THEMIS: variants seen among roughly 807,000 people sequenced by gnomAD.
THEMIS encodes the protein thymocyte selection associated, also known as protein THEMIS.
A neutral mutation model predicts 52.6 loss-of-function variants in THEMIS; 37 were observed. The ratio of observed to expected loss-of-function variants is 0.70; its 90% CI spans 0.54 to 0.93. THEMIS has a LOEUF of 0.93. Among genes scored for constraint, THEMIS ranks in the 40% least tolerant of loss-of-function variants. The pLI is 0.00. For missense variants in THEMIS, 808 were observed against 763.1 expected (o/e 1.06, Z -0.69); for synonymous variants, 292 against 272.7 (o/e 1.07, Z -0.70).
intron 4 of THEMIS, among the ~76,000 whole-genome samples, chr6:127,785,408 A>G (rs1300848750): frequency 1.3e-5 from 2 of 152,056 alleles, no homozygotes; most frequent in Admixed American, 6.5e-5. Flanking sequence ...TGGCACATGT[A>G]TACATATGTA....
chr6:127,875,108 A>T (rs2114400327), intron 1 of THEMIS, among the ~76,000 whole-genome samples: 1 of 152,354 alleles, frequency 6.6e-6, no homozygotes, highest in Non-Finnish European at 1.5e-5. Flanking sequence ...ACATCCCCAA[A>T]ACCTCTGCCC....
intron 4 of THEMIS, among the ~76,000 whole-genome samples, chr6:127,757,010 TC>T (rs1186479752): frequency 1.3e-5 from 2 of 152,212 alleles, no homozygotes; most frequent in African/African-American, 2.4e-5. Flanking sequence ...AAAAAACAAT[TC>T]TTTTATTCCA....
At chr6:127,808,053 A>G (rs1189302009) in intron 4 of THEMIS, among the ~76,000 whole-genome samples, 1 of 152,098 alleles carries the variant, frequency 6.6e-6, no homozygotes, top group Non-Finnish European at 1.5e-5. Context: ...CTTTGCCTTA[A>G]TGTCTCCTAT....
chr6:127,769,787 A>AC (rs1776318940), intron 4 of THEMIS, among the ~76,000 whole-genome samples: 1 of 151,550 alleles, frequency 6.6e-6, no homozygotes, highest in Non-Finnish European at 1.5e-5. Context: ...CCATCCTCCA[A>AC]CCCCATGACA....
chr6:127,845,179 G>T (rs1328796792), intron 2 of THEMIS, among the ~76,000 whole-genome samples: 1 of 151,764 alleles, frequency 6.6e-6, no homozygotes, highest in Non-Finnish European at 1.5e-5. Context: ...TATGTTTATT[G>T]GTCAAAGGCT....
chr6:127,758,432 A>G (rs900993848), intron 4 of THEMIS, among the ~76,000 whole-genome samples: 4 of 147,864 alleles, frequency 2.7e-5, no homozygotes, highest in Non-Finnish European at 4.5e-5. Flanking sequence ...TATTATATAT[A>G]TAACATATAT....
intron 4 of THEMIS, among the ~76,000 whole-genome samples, chr6:127,729,679 C>A (rs1774689941): frequency 6.6e-6 from 1 of 152,184 alleles, no homozygotes; most frequent in Admixed American, 6.5e-5. Flanking sequence ...CTCCGACTCT[C>A]CTCTTCCATT....
At chr6:127,869,208 A>G (rs1169018368) in intron 1 of THEMIS, among the ~76,000 whole-genome samples, 1 of 152,248 alleles carries the variant, frequency 6.6e-6, no homozygotes, top group African/African-American at 2.4e-5. Flanking sequence ...ATCCAAATAA[A>G]CCCATCATAA....
chr6:127,749,725 A>G (rs181378564), intron 4 of THEMIS, among the ~76,000 whole-genome samples: 10 of 151,762 alleles, frequency 6.6e-5, no homozygotes, highest in Middle Eastern at 3.4e-3. Context: ...GTGTTTCTGG[A>G]CCTTACTAGA....
chr6:127,842,815 A>G (rs1422761671), intron 2 of THEMIS, among the ~76,000 whole-genome samples: 1 of 151,936 alleles, frequency 6.6e-6, no homozygotes, highest in Non-Finnish European at 1.5e-5. Flanking sequence ...GGGTTCCCCA[A>G]TTATGTGTTC....
intron 4 of THEMIS, among the ~76,000 whole-genome samples, chr6:127,800,412 T>C (rs576570518): frequency 1.3e-5 from 2 of 152,352 alleles, no homozygotes; most frequent in East Asian, 3.9e-4. Flanking sequence ...TGAATCATCA[T>C]CCCTAGCTTA....
At chr6:127,725,967 T>A (rs1339395132) in intron 4 of THEMIS, among the ~76,000 whole-genome samples, 1 of 152,018 alleles carries the variant, frequency 6.6e-6, no homozygotes, top group Non-Finnish European at 1.5e-5. Flanking sequence ...CAGGTGAGAG[T>A]CCTTGCTGGC....
At chr6:127,767,578 A>G (rs1776243270) in intron 4 of THEMIS, among the ~76,000 whole-genome samples, 1 of 152,010 alleles carries the variant, frequency 6.6e-6, no homozygotes. Context: ...CTTCAGGGGT[A>G]GTGCACATGA....
At chr6:127,756,564 A>G (rs932875295) in intron 4 of THEMIS, among the ~76,000 whole-genome samples, 3 of 152,178 alleles carry the variant, frequency 2.0e-5, no homozygotes. Flanking sequence ...TGCATCATCT[A>G]TTATTTTTCA....
chr6:127,878,446 T>G (rs554644589), intron 1 of THEMIS, among the ~76,000 whole-genome samples: 3 of 138,208 alleles, frequency 2.2e-5, no homozygotes, highest in Admixed American at 2.1e-4. Context: ...ATTATATCTA[T>G]TTGCAAAAAA....
chr6:127,719,826 G>A lies in THEMIS; in HGVS notation c.1759-3C>T. 1 of 1,610,778 alleles carries A rather than the reference G, an allele frequency of 6.2e-7. No homozygotes were observed. Among genetic ancestry groups the A allele is most frequent in the Non-Finnish European group, 8.5e-7 (1 of 1,178,244 alleles). ...TTGGTTATGTCTACGTGATGACGCT[G>A]AAATGACACAGGTCACAAGTAAATT... On this transcript the variant is annotated splice_polypyrimidine_tract_variant and splice_region_variant and intron_variant, in intron 4 of 5. Coordinates refer to ENST00000368248, the MANE Select transcript of THEMIS (RefSeq NM_001010923.3).
At chr6:127,800,507 C>T (rs760672127) in intron 4 of THEMIS, among the ~76,000 whole-genome samples, 2 of 152,136 alleles carry the variant, frequency 1.3e-5, no homozygotes, top group Non-Finnish European at 2.9e-5. Flanking sequence ...TAAACTGTAA[C>T]CTTGCTTCTG....
At chr6:127,908,051 T>C (rs1236791141) in intron 1 of THEMIS, among the ~76,000 whole-genome samples, 1 of 152,148 alleles carries the variant, frequency 6.6e-6, no homozygotes, top group Non-Finnish European at 1.5e-5. Flanking sequence ...TATGAATGTG[T>C]TCATTCATCA....
At position 127,813,362 on chromosome 6, in the gene THEMIS, G is replaced by C; in HGVS notation, c.1279C>G (p.Pro427Ala). ...ACAAAACCTCCTTCCATGTACAAAG[G>C]GAGCAGCGCAGCCTCATAGGACTTT... ...LKKSYEAALL[P>A]LYMEGGFVEV... Residue 427 changes from proline (P) to alanine (A), a missense_variant, in exon 4 of 6, where the codon CCT becomes GCT. Coordinates refer to ENST00000368248, the MANE Select transcript of THEMIS (RefSeq NM_001010923.3). The C allele has an allele frequency of 6.2e-7, 1 of 1,613,996 alleles. No homozygotes were observed. Among genetic ancestry groups the C allele is most frequent in the East Asian group, 2.2e-5 (1 of 44,878 alleles).
Sources: allele counts gnomAD v4.1 joint callset (sites outside exome capture counted in the v4.1 genomes callset), GRCh38; gene constraint gnomAD v4.1.1; transcripts MANE v1.5; gene names NCBI Gene and HGNC (gene_info 2026-07-23, HGNC 2026-07-21).